Variants in NUP210 observed in about 807,000 individuals in gnomAD.
NUP210 encodes the protein nuclear pore membrane glycoprotein 210.
Under a neutral mutation model 196.0 loss-of-function variants are expected in NUP210, and 151 were observed. The ratio of observed to expected loss-of-function variants is 0.77; its 90% CI spans 0.67 to 0.88. NUP210 has a LOEUF of 0.88. Among genes scored for constraint, NUP210 ranks in the 40% least tolerant of loss-of-function variants. The pLI, the probability that NUP210 is intolerant of heterozygous loss-of-function variation, is 0.00. For missense variants in NUP210, 2,314 were observed against 2,493.7 expected (o/e 0.93, Z 1.53); for synonymous variants, 1,070 against 1,052.7 (o/e 1.02, Z -0.32).
chr3:13,380,332 A>G (rs749699024), intron 6 of NUP210, among the ~76,000 whole-genome samples: 1 of 152,200 alleles, frequency 6.6e-6, no homozygotes, highest in Non-Finnish European at 1.5e-5. Flanking sequence ...CAGAGACCAC[A>G]AGCACTTTTG....
At chr3:13,388,277 C>T (rs762427387) in intron 5 of NUP210, 26 bp downstream of exon 5, 2 of 1,565,664 alleles carry the variant, frequency 1.3e-6, no homozygotes, top group Non-Finnish European at 1.7e-6. Context: ...AGGAAGCCCA[C>T]TGACACCCCA....
Position 13,376,309 on chromosome 3 carries a change from G to A in NUP210, c.1275C>T (p.Leu425=), listed in dbSNP as rs1698904020. 2 of 1,613,916 alleles carry A rather than the reference G, an allele frequency of 1.2e-6. No individual in the cohort carries two copies. The highest frequency in any genetic ancestry group is 1.3e-5 in the African/African-American group (1 of 75,070). ...AACTTGCCTGGTCCACCACAGAGGTGAGGGCCGCGTCAATGGCCGTCTGTC... is the reference window on the plus strand; with the variant it reads ...AACTTGCCTGGTCCACCACAGAGGTAAGGGCCGCGTCAATGGCCGTCTGTC... The part of the protein sequence containing the change: ...KRGQTAIDAA[L]TSVVDQDGGV... Residue 425 remains leucine (L), a synonymous_variant, in exon 10 of 40, where the codon CTC becomes CTT. Transcript: ENST00000254508.
rs138332591 is a variant in NUP210 at position 13,337,856 on chromosome 3, C to T, written c.3533G>A (p.Arg1178Gln). ...RAVRIRAPIM[R>Q]MRTGTQMPIY... ...CCTCACCTGGGTGCCCGTCCTCATC[C>T]GCATGATGGGGGCGCGGATCCTCAC... The change falls in exon 26 of 40, where the codon CGG (arginine) becomes CAG (glutamine). Residue 1178 changes from arginine to glutamine, a missense_variant. Coordinates refer to ENST00000254508, the MANE Select transcript of NUP210 (RefSeq NM_024923.4). 47 of 1,611,866 alleles carry T rather than the reference C, an allele frequency of 2.9e-5. 1 individual carries two copies. The highest frequency in any genetic ancestry group is 2.0e-4 in the African/African-American group (15 of 74,936).
intron 20 of NUP210, among the ~76,000 whole-genome samples, chr3:13,349,516 C>A (rs969521363): frequency 1.3e-5 from 2 of 152,170 alleles, no homozygotes; most frequent in Non-Finnish European, 2.9e-5. Flanking sequence ...GGGTTCCCTG[C>A]TAAGAGAGGC....
chr3:13,405,511 G>A (rs1218137496), intron 1 of NUP210, among the ~76,000 whole-genome samples: 4 of 151,178 alleles, frequency 2.6e-5, no homozygotes, highest in African/African-American at 9.7e-5. Flanking sequence ...GTGTGTATAA[G>A]ATATATATAT....
At chr3:13,413,436 C>G (rs1700243922) in intron 1 of NUP210, among the ~76,000 whole-genome samples, 1 of 151,714 alleles carries the variant, frequency 6.6e-6, no homozygotes, top group Non-Finnish European at 1.5e-5. Flanking sequence ...CACCACTGCA[C>G]TCCAGCCTGG....
rs769580760 is a variant in NUP210 at position 13,373,775 on chromosome 3, C to A, written c.1530G>T (p.Gly510=). 52 of 1,614,162 alleles carry A rather than the reference C, an allele frequency of 3.2e-5. No homozygotes were observed. Among genetic ancestry groups the A allele is most frequent in the Non-Finnish European group, 4.2e-5 (50 of 1,180,016 alleles). The change falls in exon 12 of 40, where the codon GGG becomes GGT. Residue 510 remains glycine (G), a synonymous_variant. Transcript: ENST00000254508. The part of the protein sequence containing the change: ...KGVMTTGSDI[G]FSVIQAHDVQ... ...CATCATGTGCCTGGATCACACTGAA[C>A]CCGATGTCACTGCCTGTGGTCATCA...
At chr3:13,404,526 A>G (rs956394302) in intron 1 of NUP210, among the ~76,000 whole-genome samples, 3 of 152,216 alleles carry the variant, frequency 2.0e-5, no homozygotes, top group African/African-American at 7.2e-5. Flanking sequence ...CTTCCCCCTA[A>G]TGTTAGTTGT....
intron 16 of NUP210, 68 bp downstream of exon 16, chr3:13,358,154 G>T: frequency 6.9e-7 from 1 of 1,440,564 alleles, no homozygotes; most frequent in Admixed American, 1.9e-5. Flanking sequence ...CCATGGGCGA[G>T]GCCACCAATG....
In NUP210 at chr3:13,343,196, C is replaced by T. The variant is rs771580456; in HGVS notation, c.2943G>A (p.Leu981=). 1.9e-6 allele frequency: 3 copies of T among 1,614,078 alleles called. No homozygotes were observed. Among genetic ancestry groups the T allele is most frequent in the African/African-American group, 1.3e-5 (1 of 74,934 alleles). The change falls in exon 21 of 40, where the codon CTG becomes CTA. Residue 981 remains leucine (L), a synonymous_variant. Coordinates refer to ENST00000254508, the MANE Select transcript of NUP210 (RefSeq NM_024923.4). ...TGACCTTGTCAACCACACGGATGTACAGCTCCTGAATGTCCGACACGTAAA... is the reference window on the plus strand; with the variant it reads ...TGACCTTGTCAACCACACGGATGTATAGCTCCTGAATGTCCGACACGTAAA... The part of the protein sequence containing the change: ...AVVYVSDIQE[L]YIRVVDKVEI...
At chr3:13,345,527 C>A (rs1697687382) in intron 20 of NUP210, among the ~76,000 whole-genome samples, 1 of 152,236 alleles carries the variant, frequency 6.6e-6, no homozygotes, top group African/African-American at 2.4e-5. Context: ...AGAGCCCAAG[C>A]CCACAGCTGG....
chr3:13,340,470 C>T lies in NUP210; in HGVS notation c.3229-172G>A, dbSNP rs887474843. ...TGGGCCAATGCTGGGGGCTGTCTCC[C>T]AGCCACTGGCCGAGGCTCCCTGGTT... is the stretch of plus-strand genomic sequence containing the variant. On this transcript the variant is annotated intron_variant, in intron 23 of 39. Coordinates refer to ENST00000254508, the MANE Select transcript of NUP210 (RefSeq NM_024923.4). This position sits in a 1 kb window ranked among gnomAD's most constrained non-coding sequence, Gnocchi z 4.0. Among the ~76,000 whole-genome samples the T allele has an allele frequency of 6.6e-6, 1 of 152,170 alleles. No homozygotes were observed.
intron 2 of NUP210, 63 bp from the exon 3 acceptor site, chr3:13,397,551 A>T: frequency 6.7e-7 from 1 of 1,493,910 alleles, no homozygotes; most frequent in Non-Finnish European, 8.9e-7. Context: ...TCCACTTCCA[A>T]GCCTTGCAGG....
chr3:13,331,318 G>A (rs766063770), intron 29 of NUP210, among the ~76,000 whole-genome samples: 1 of 152,174 alleles, frequency 6.6e-6, no homozygotes, highest in Non-Finnish European at 1.5e-5. Context: ...AACCCAGGAA[G>A]CAAAGGCCTC....
chr3:13,338,044 C>T (rs1576357970), intron 25 of NUP210, 127 bp from the exon 26 acceptor site: 2 of 793,138 alleles, frequency 2.5e-6, no homozygotes, highest in East Asian at 2.7e-5. Flanking sequence ...TCAGGATGAC[C>T]AGCACCATGC....
rs1470820148 is a variant in NUP210, at chr3:13,319,210, G to C, written c.5479+20C>G. 4 of 1,612,116 alleles carry C rather than the reference G, an allele frequency of 2.5e-6. No homozygotes were observed. In the Admixed American group the frequency reaches 5.0e-5, roughly 20 times the overall value. Reference sequence around the variant, plus strand: ...GTCGGGGCAGGGGAACAGACCCAGAGATACAGGCAGCCTCCTCACCTATGA... The same window carrying C: ...GTCGGGGCAGGGGAACAGACCCAGACATACAGGCAGCCTCCTCACCTATGA... On this transcript the variant is annotated intron_variant, in intron 38 of 39. Transcript: ENST00000254508.
At chr3:13,391,626 C>T (rs73024154) in intron 3 of NUP210, among the ~76,000 whole-genome samples, 1 of 149,214 alleles carries the variant, frequency 6.7e-6, no homozygotes, top group Non-Finnish European at 1.5e-5. Flanking sequence ...ACTGCTGCCC[C>T]GCACGTCTGT....
chr3:13,375,774 G>C, intron 10 of NUP210, 133 bp from the exon 11 acceptor site: 1 of 912,108 alleles, frequency 1.1e-6, no homozygotes, highest in Middle Eastern at 3.5e-4. Context: ...GGAGAGGAAG[G>C]TGCCAGACAC....
At chr3:13,356,480 TA>T (rs1698176284) in intron 16 of NUP210, among the ~76,000 whole-genome samples, 1 of 152,068 alleles carries the variant, frequency 6.6e-6, no homozygotes, top group South Asian at 2.1e-4. Flanking sequence ...CTGTCTCTAC[TA>T]AAAATACAAA....
Sources: allele counts gnomAD v4.1 joint callset (sites outside exome capture counted in the v4.1 genomes callset), GRCh38; gene constraint gnomAD v4.1.1; non-coding constraint Gnocchi (gnomAD v3.1); transcripts MANE v1.5; gene names NCBI Gene and HGNC (gene_info 2026-07-23, HGNC 2026-07-21).